Variants in SOX6 observed in about 807,000 individuals in gnomAD.
The protein encoded by SOX6 is SRY-box transcription factor 6, also known as transcription factor SOX-6.
SOX6 carries 11 observed loss-of-function variants against 97.8 expected under a neutral mutation model. That is an observed-to-expected ratio of 0.11 (90% CI 0.07 to 0.19). The LOEUF (loss-of-function observed/expected upper bound fraction) is 0.19, where lower values mean the gene tolerates loss of function less well. SOX6 is among the 10% of genes least tolerant of loss of function. The probability of loss-of-function intolerance (pLI) is 1.00; values close to 1 mark genes in which losing one functional copy is unlikely to be tolerated. For missense variants in SOX6, 810 were observed against 1,039.5 expected (o/e 0.78, Z 3.04); for synonymous variants, 360 against 371.4 (o/e 0.97, Z 0.35).
chr11:16,585,700 T>TG (rs1848084401), intron 4 of SOX6, among the ~76,000 whole-genome samples: 2 of 132,972 alleles, frequency 1.5e-5, no homozygotes, highest in African/African-American at 5.5e-5. Flanking sequence ...TTTTTTTTTT[T>TG]GAGACAGGGT....
At chr11:16,297,708 A>G (rs542258506) in intron 3 of SOX6, among the ~76,000 whole-genome samples, 1 of 152,298 alleles carries the variant, frequency 6.6e-6, no homozygotes, top group South Asian at 2.1e-4. Flanking sequence ...AGAGTCACTG[A>G]TTAAATATAT....
rs570433006 is a variant in SOX6, at chr11:16,146,550, T to C, written c.778-34627A>G. Among the ~76,000 whole-genome samples, 212 of 152,188 alleles carry C rather than the reference T, an allele frequency of 1.4e-3. 1 individual carries two copies. Among genetic ancestry groups the C allele is most frequent in the African/African-American group, 4.8e-3 (198 of 41,526 alleles). On this transcript the variant is annotated intron_variant, in intron 6 of 15. Transcript: ENST00000683767. ...TTCTGCACAGCAAAAGAAACTATCATCAGAGTGAACAGGCAACCTACAGAA... is the reference window on the plus strand; with the variant it reads ...TTCTGCACAGCAAAAGAAACTATCACCAGAGTGAACAGGCAACCTACAGAA...
At chr11:16,608,620 A>G (rs1335855984) in intron 4 of SOX6, among the ~76,000 whole-genome samples, 2 of 152,126 alleles carry the variant, frequency 1.3e-5, no homozygotes, top group South Asian at 2.1e-4. Flanking sequence ...AAGAAAAAGC[A>G]ATTCACACAG....
intron 4 of SOX6, among the ~76,000 whole-genome samples, chr11:16,499,573 A>G (rs916212557): frequency 2.0e-5 from 3 of 152,218 alleles, no homozygotes; most frequent in African/African-American, 7.2e-5. Context: ...CAAGACTAAT[A>G]AAGAAGAAAA....
chr11:16,236,908 C>T (rs568740300), intron 3 of SOX6, among the ~76,000 whole-genome samples: 23 of 152,028 alleles, frequency 1.5e-4, no homozygotes, highest in African/African-American at 4.1e-4. Context: ...CAAAGCGTTT[C>T]GCATTCCTAT....
At chr11:16,282,261 T>C (rs1018912855) in intron 3 of SOX6, among the ~76,000 whole-genome samples, 1 of 150,996 alleles carries the variant, frequency 6.6e-6, no homozygotes, top group South Asian at 2.1e-4. Context: ...CTAAATATTA[T>C]AAAATAATAA....
At chr11:16,244,132 C>T (rs2134189413) in intron 3 of SOX6, among the ~76,000 whole-genome samples, 1 of 151,960 alleles carries the variant, frequency 6.6e-6, no homozygotes, top group African/African-American at 2.4e-5. Flanking sequence ...TATACTTCTA[C>T]CAACAACGTA....
At chr11:16,531,139 G>A (rs1189004240) in intron 4 of SOX6, among the ~76,000 whole-genome samples, 1 of 150,708 alleles carries the variant, frequency 6.6e-6, no homozygotes, top group South Asian at 2.1e-4. Flanking sequence ...AAGGGAAAGA[G>A]AAGAGAATGT....
chr11:16,667,246 A>G (rs545496767), intron 3 of SOX6, among the ~76,000 whole-genome samples: 5 of 152,260 alleles, frequency 3.3e-5, no homozygotes, highest in Admixed American at 1.3e-4. Flanking sequence ...TCAATAAGAA[A>G]ACAAAACAAA....
intron 3 of SOX6, among the ~76,000 whole-genome samples, chr11:16,654,384 C>A (rs1406058320): frequency 6.6e-6 from 1 of 152,156 alleles, no homozygotes; most frequent in Non-Finnish European, 1.5e-5. Context: ...GTTGCCCAGG[C>A]TGGTCTCAAA....
chr11:16,556,570 A>G (rs1847751256), intron 4 of SOX6, among the ~76,000 whole-genome samples: 1 of 151,794 alleles, frequency 6.6e-6, no homozygotes, highest in African/African-American at 2.4e-5. Context: ...TTTTTAATTT[A>G]AGAAAAATAC....
At chr11:16,425,987 T>C (rs1304540157) in intron 1 of SOX6, among the ~76,000 whole-genome samples, 3 of 151,548 alleles carry the variant, frequency 2.0e-5, no homozygotes, top group Non-Finnish European at 4.4e-5. Flanking sequence ...CTGGGCGCAG[T>C]GGCTCTCACC....
At chr11:16,257,756 A>C (rs1238685666) in intron 3 of SOX6, among the ~76,000 whole-genome samples, 1 of 151,950 alleles carries the variant, frequency 6.6e-6, no homozygotes, top group East Asian at 1.9e-4. Context: ...CACTGTTAAG[A>C]TAATGAAAAA....
chr11:16,090,651 T>C (rs1394534056), intron 9 of SOX6, among the ~76,000 whole-genome samples: 1 of 151,980 alleles, frequency 6.6e-6, no homozygotes, highest in East Asian at 1.9e-4. Context: ...AAAAAAGGTT[T>C]TCAAAGGAGC....
intron 13 of SOX6, among the ~76,000 whole-genome samples, chr11:16,004,656 T>A (rs889481567): frequency 6.6e-6 from 1 of 152,002 alleles, no homozygotes; most frequent in Non-Finnish European, 1.5e-5. Context: ...GTTTAAAGGA[T>A]TAAAAACACT....
chr11:16,526,155 A>C (rs1318932658), intron 4 of SOX6, among the ~76,000 whole-genome samples: 2 of 152,188 alleles, frequency 1.3e-5, no homozygotes, highest in Non-Finnish European at 2.9e-5. Context: ...AAGGACTATA[A>C]ATCATGCTGC....
chr11:16,008,605 T>C (rs1331779322), intron 13 of SOX6, among the ~76,000 whole-genome samples: 4 of 152,086 alleles, frequency 2.6e-5, no homozygotes, highest in Non-Finnish European at 5.9e-5. Flanking sequence ...CATTTCACTA[T>C]CTTGCCCCAT....
At chr11:15,980,356 A>T (rs1423003935) in intron 15 of SOX6, among the ~76,000 whole-genome samples, 1 of 152,212 alleles carries the variant, frequency 6.6e-6, no homozygotes, top group South Asian at 2.1e-4. Flanking sequence ...GAACTTAGGG[A>T]AGACTCCTCC....
chr11:16,059,745 C>T (rs1048466776), intron 9 of SOX6, among the ~76,000 whole-genome samples: 1 of 151,890 alleles, frequency 6.6e-6, no homozygotes, highest in Non-Finnish European at 1.5e-5. Context: ...CAGTGCTTTG[C>T]TAGCACTTAG....
Sources: allele counts gnomAD v4.1 joint callset (sites outside exome capture counted in the v4.1 genomes callset), GRCh38; gene constraint gnomAD v4.1.1; transcripts MANE v1.5; gene names NCBI Gene and HGNC (gene_info 2026-07-23, HGNC 2026-07-21).